RBBP8: variants seen among roughly 807,000 people sequenced by gnomAD.
The protein encoded by RBBP8 is DNA endonuclease RBBP8.
In RBBP8, 88 loss-of-function variants were observed where a neutral mutation model predicts 108.3. That is an observed-to-expected ratio of 0.81 (90% CI 0.68 to 0.97). RBBP8 has a LOEUF of 0.97. Among genes scored for constraint, RBBP8 ranks in the 50% least tolerant of loss-of-function variants. RBBP8 has a pLI of 0.00. For missense variants in RBBP8, 1,023 were observed against 1,049.0 expected (o/e 0.98, Z 0.34); for synonymous variants, 332 against 348.2 (o/e 0.95, Z 0.52).
chr18:22,956,854 T>C (rs1037109672), intron 4 of RBBP8, among the ~76,000 whole-genome samples: 1 of 152,104 alleles, frequency 6.6e-6, no homozygotes, highest in Non-Finnish European at 1.5e-5. Context: ...TATTATTATG[T>C]TTAATGAGTA....
intron 1 of RBBP8, among the ~76,000 whole-genome samples, chr18:22,936,370 A>G (rs1261688521): frequency 3.3e-5 from 5 of 152,320 alleles, no homozygotes; most frequent in Non-Finnish European, 1.5e-5. Flanking sequence ...CCAAAGAGCT[A>G]GGATTACAGG....
rs147585811 is a variant in RBBP8 at position 22,989,289 on chromosome 18, A to T, written c.778A>T (p.Thr260Ser). The stretch of plus-strand genomic sequence containing the variant: ...TAATTTAGCTACAGTTGTTGCTGAA[A>T]CACTTGGACTTGGTGTTCAAGAAGA... ...SFNLATVVAETLGLGVQEESE... is the reference protein window; with the variant it reads ...SFNLATVVAESLGLGVQEESE... The change falls in exon 9 of 19, where the codon ACA becomes TCA. Residue 260 changes from threonine (T) to serine (S), a missense_variant. Coordinates refer to ENST00000327155, the MANE Select transcript of RBBP8 (RefSeq NM_002894.3). The T allele has an allele frequency of 2.3e-5, 37 of 1,609,822 alleles. No individual in the cohort carries two copies. Among genetic ancestry groups the T allele is most frequent in the Non-Finnish European group, 2.7e-5 (32 of 1,176,534 alleles).
chr18:22,991,215 GC>G (rs1915678892), intron 10 of RBBP8, among the ~76,000 whole-genome samples, 166 bp downstream of exon 10: 1 of 152,104 alleles, frequency 6.6e-6, no homozygotes, highest in Non-Finnish European at 1.5e-5. Flanking sequence ...CCAATTGAGA[GC>G]TTTTTTGCAT....
At position 23,001,713 on chromosome 18, in the gene RBBP8, C is replaced by T. The variant is rs1329726002; in HGVS notation, c.2271C>T (p.Ala757=). ...AADEEEELST[A]TKKLHTHGDK... ...ATGAAGAGGAGGAATTGTCTACTGC[C>T]ACAAAGAAACTACACAGTAAGATTT... Residue 757 remains alanine, a synonymous_variant, in exon 15 of 19, where the codon GCC becomes GCT. Transcript: ENST00000327155. 6.2e-7 allele frequency: 1 copy of T among 1,614,068 alleles called. No homozygotes were observed. The highest frequency in any genetic ancestry group is 1.7e-5 in the Admixed American group (1 of 60,012).
intron 16 of RBBP8, among the ~76,000 whole-genome samples, chr18:23,008,769 ATTTTTT>A (rs71161355): frequency 5.0e-5 from 5 of 100,014 alleles, no homozygotes; most frequent in African/African-American, 2.0e-4. Context: ...TATGACTTTG[ATTTTTT>A]TTTTTTTTTT....
Position 22,953,133 on chromosome 18 carries a change from G to T in RBBP8, c.248+3420G>T, listed in dbSNP as rs578053459. Among the ~76,000 whole-genome samples the T allele has an allele frequency of 5.9e-5, 9 of 152,332 alleles. No individual in the cohort carries two copies. The South Asian group carries it at 1.5e-3, about 25-fold the overall frequency. ...CTCATGCCTCTAACTCTGTGAAGAA[G>T]AGAGGGAAGAGGATACTGTACTTGT... On this transcript the variant is annotated intron_variant, in intron 4 of 18. Coordinates refer to ENST00000327155, the MANE Select transcript of RBBP8 (RefSeq NM_002894.3).
chr18:22,951,049 T>C (rs1392121201), intron 4 of RBBP8, among the ~76,000 whole-genome samples: 5 of 152,254 alleles, frequency 3.3e-5, no homozygotes, highest in African/African-American at 1.2e-4. Flanking sequence ...AACTACCAAC[T>C]CAATGGATGC....
chr18:22,961,652 T>G (rs11877359), intron 4 of RBBP8, among the ~76,000 whole-genome samples: 2,538 of 152,256 alleles, frequency 0.017, 80 homozygotes, highest in African/African-American at 0.058. Context: ...CTTAAAACAT[T>G]ATGAAATTTG....
chr18:23,008,615 T>G (rs2046099996), intron 16 of RBBP8, among the ~76,000 whole-genome samples: 1 of 152,176 alleles, frequency 6.6e-6, no homozygotes, highest in Non-Finnish European at 1.5e-5. Flanking sequence ...TTGCTTCTGT[T>G]ATCTGGAATC....
intron 18 of RBBP8, among the ~76,000 whole-genome samples, chr18:23,022,982 T>TGA (rs906352722): frequency 1.3e-5 from 2 of 151,932 alleles, no homozygotes; most frequent in African/African-American, 4.8e-5. Flanking sequence ...GGCTCACTGA[T>TGA]GCCTCCGACT....
At chr18:22,945,863 T>C (rs1911518415) in intron 2 of RBBP8, among the ~76,000 whole-genome samples, 1 of 152,256 alleles carries the variant, frequency 6.6e-6, no homozygotes, top group Non-Finnish European at 1.5e-5. Context: ...GTTTTGTCCA[T>C]ATCCTTCCTT....
chr18:22,956,824 TTTATA>T (rs1912599260), intron 4 of RBBP8, among the ~76,000 whole-genome samples: 1 of 152,188 alleles, frequency 6.6e-6, no homozygotes, highest in African/African-American at 2.4e-5. Flanking sequence ...ATTATTATGT[TTTATA>T]TTATGTTTAA....
intron 16 of RBBP8, among the ~76,000 whole-genome samples, chr18:23,007,699 G>GAA (rs367964120): frequency 0.022 from 2,504 of 112,426 alleles, 68 homozygotes; most frequent in African/African-American, 0.071. Context: ...CTCCGTCTCA[G>GAA]AAAAAAAAAA....
At chr18:22,930,553 A>T (rs973903969), upstream of RBBP8, among the ~76,000 whole-genome samples, 1 of 152,136 alleles carries the variant, frequency 6.6e-6, no homozygotes, top group Non-Finnish European at 1.5e-5. Flanking sequence ...AAGCTTTAGA[A>T]CCTATCTATG....
intron 6 of RBBP8, among the ~76,000 whole-genome samples, chr18:22,976,880 G>A (rs926273016): frequency 6.6e-6 from 1 of 152,040 alleles, no homozygotes; most frequent in Non-Finnish European, 1.5e-5. Flanking sequence ...AAACTATATC[G>A]TGTCATTTGC....
intron 5 of RBBP8, among the ~76,000 whole-genome samples, chr18:22,971,148 TA>T (rs11340946): frequency 0.96 from 139,984 of 145,440 alleles, 67,431 homozygotes; most frequent in Non-Finnish European, 0.99. Context: ...GGAGAGTCTT[TA>T]AAAAAAAAAA....
At chr18:23,015,737 G>A (rs1016542048) in intron 16 of RBBP8, among the ~76,000 whole-genome samples, 1 of 151,842 alleles carries the variant, frequency 6.6e-6, no homozygotes, top group African/African-American at 2.4e-5. Context: ...ATGAAGGTGC[G>A]TGGCTCCTAT....
At chr18:22,938,297 G>GGTTGTT (rs1324291739) in intron 2 of RBBP8, among the ~76,000 whole-genome samples, 1 of 151,900 alleles carries the variant, frequency 6.6e-6, no homozygotes, top group Non-Finnish European at 1.5e-5. Context: ...TGCCCAGCTA[G>GGTTGTT]TTTGTTTTTG....
rs185854832 is a variant in RBBP8, at chr18:23,017,662, A to T, written c.2454+738A>T. 6.8e-3 allele frequency among the ~76,000 whole-genome samples: 1,038 copies of T among 152,066 alleles called. 14 individuals are homozygous for T. The highest frequency in any genetic ancestry group is 0.024 in the African/African-American group (977 of 41,458). Reference sequence around the variant, plus strand: ...GAGCGAGACTCCGTCTCAAAAAAAAAAAAATTATTTTTACCAACATTCTCA... The same window carrying T: ...GAGCGAGACTCCGTCTCAAAAAAAATAAAATTATTTTTACCAACATTCTCA... On this transcript the variant is annotated intron_variant, in intron 17 of 18. Coordinates refer to ENST00000327155, the MANE Select transcript of RBBP8 (RefSeq NM_002894.3).
Sources: allele counts gnomAD v4.1 joint callset (sites outside exome capture counted in the v4.1 genomes callset), GRCh38; gene constraint gnomAD v4.1.1; transcripts MANE v1.5; gene names NCBI Gene and HGNC (gene_info 2026-07-23, HGNC 2026-07-21).